The following KNTC1 variants were observed in gnomAD, a reference collection of about 807,000 sequenced individuals.
KNTC1 encodes kinetochore-associated protein 1.
In KNTC1, 253 loss-of-function variants were observed where a neutral mutation model predicts 314.4. That is an observed-to-expected ratio of 0.80 (90% CI 0.73 to 0.89). KNTC1 has a LOEUF of 0.89. Among genes scored for constraint, KNTC1 ranks in the 40% least tolerant of loss-of-function variants. KNTC1 has a pLI of 0.00. For missense variants in KNTC1, 2,475 were observed against 2,572.9 expected (o/e 0.96, Z 0.82); for synonymous variants, 901 against 901.4 (o/e 1.00, Z 0.01).
Position 122,597,923 on chromosome 12 carries a change from T to C in KNTC1, c.4548T>C (p.Ser1516=). 7 of 1,613,804 alleles carry C rather than the reference T, an allele frequency of 4.3e-6. No homozygotes were observed. The highest frequency in any genetic ancestry group is 1.1e-5 in the South Asian group (1 of 91,082). ...TSTKDLVISL[S]GILHKLDPYD... is the part of the protein sequence containing the mutation. Reference sequence around the variant, plus strand: ...CAAAAGATTTGGTCATCAGTCTTAGTGGAATACTACATAAGGTAGACACAC... The same window carrying C: ...CAAAAGATTTGGTCATCAGTCTTAGCGGAATACTACATAAGGTAGACACAC... Residue 1516 remains serine, a synonymous_variant, in exon 44 of 64, where the codon AGT becomes AGC. Transcript: ENST00000333479.
At chr12:122,580,735 A>G in intron 33 of KNTC1, 65 bp downstream of exon 33, 3 of 1,118,218 alleles carry the variant, frequency 2.7e-6, no homozygotes, top group Non-Finnish European at 3.9e-6. Flanking sequence ...CCCTCCTTAA[A>G]GTTTTCTGTA....
intron 3 of KNTC1, among the ~76,000 whole-genome samples, chr12:122,538,009 C>T (rs927803500): frequency 2.0e-5 from 3 of 152,052 alleles, no homozygotes; most frequent in Non-Finnish European, 4.4e-5. Context: ...TGGTGTGTAC[C>T]TGTGGTCCCA....
Position 122,584,951 on chromosome 12 carries a change from C to T in KNTC1, c.3495C>T (p.Ser1165=). ...CKHTLMAVEL[S]RQCQMDDCGI... ...ATACTTTAATGGCTGTAGAGCTTTCCAGACAATGCCAAATGGATGACTGTG... is the reference window on the plus strand; with the variant it reads ...ATACTTTAATGGCTGTAGAGCTTTCTAGACAATGCCAAATGGATGACTGTG... The change falls in exon 36 of 64, where the codon TCC becomes TCT. Residue 1165 remains serine, a synonymous_variant. Transcript: ENST00000333479. The T allele has an allele frequency of 6.2e-7, 1 of 1,606,164 alleles. No individual in the cohort carries two copies. The highest frequency in any genetic ancestry group is 8.5e-7 in the Non-Finnish European group (1 of 1,173,088).
intron 1 of KNTC1, among the ~76,000 whole-genome samples, chr12:122,528,905 C>T (rs1175254065): frequency 6.6e-6 from 1 of 152,076 alleles, no homozygotes; most frequent in Non-Finnish European, 1.5e-5. Context: ...GCAAGTGGCA[C>T]GATCTCGACT....
In KNTC1 at chr12:122,604,785, G is replaced by C. The variant is rs7960847; in HGVS notation, c.5176-92G>C. 1,027 of 1,318,314 alleles carry C rather than the reference G, an allele frequency of 7.8e-4. 6 individuals carry two copies. The highest frequency in any genetic ancestry group is 5.0e-3 in the Admixed American group (244 of 49,250). The allele number at this position is 1,318,314 out of a possible 1,614,324, so 81.7% of individuals were successfully genotyped here. On this transcript the variant is annotated intron_variant, in intron 49 of 63. Transcript: ENST00000333479. ...ATGCTTAGGAACATAACTGAGGAAG[G>C]GGGGAGGGATTGTGATTGATAAAGA...
chr12:122,562,526 T>G, intron 19 of KNTC1, 112 bp from the exon 20 acceptor site: 2 of 667,902 alleles, frequency 3.0e-6, no homozygotes, highest in Non-Finnish European at 5.4e-6. Flanking sequence ...AGTTGTGATG[T>G]GAGATAAATG....
At chr12:122,590,854 G>A (rs988025933) in intron 41 of KNTC1, 119 bp downstream of exon 41, 6 of 975,388 alleles carry the variant, frequency 6.2e-6, no homozygotes, top group Admixed American at 2.7e-5. Context: ...GAGCTAACTC[G>A]TGATTTCTAC....
At chr12:122,565,515 A>ATT (rs60788698) in intron 20 of KNTC1, among the ~76,000 whole-genome samples, 3 of 147,142 alleles carry the variant, frequency 2.0e-5, no homozygotes, top group Admixed American at 6.8e-5. Flanking sequence ...TGTTATTATT[A>ATT]TTTTTTTTTT....
chr12:122,608,510 A>G (rs1032689630), intron 51 of KNTC1, among the ~76,000 whole-genome samples: 6 of 152,196 alleles, frequency 3.9e-5, no homozygotes, highest in East Asian at 1.9e-4. Flanking sequence ...TACCAAGAGC[A>G]TGGACTGTGC....
chr12:122,551,569 T>G (rs374092245), intron 15 of KNTC1, 46 bp downstream of exon 15: 569 of 1,602,000 alleles, frequency 3.6e-4, no homozygotes, highest in Non-Finnish European at 4.7e-4. Context: ...GTGAATAACT[T>G]AAATTCCCTG....
chr12:122,581,088 TTCTC>T (rs367845063), intron 33 of KNTC1, among the ~76,000 whole-genome samples: 14 of 149,538 alleles, frequency 9.4e-5, no homozygotes, highest in African/African-American at 2.0e-4. Context: ...CTGGTTTTCC[TTCTC>T]TCTCTCTCTC....
At chr12:122,616,028 A>T (rs1873727783) in intron 57 of KNTC1, among the ~76,000 whole-genome samples, 1 of 152,278 alleles carries the variant, frequency 6.6e-6, no homozygotes, top group Admixed American at 6.5e-5. Flanking sequence ...GACTTTGAAG[A>T]TCTTTCATGT....
At chr12:122,538,224 A>G (rs1962001567) in intron 3 of KNTC1, 115 bp from the exon 4 acceptor site, 1 of 623,218 alleles carries the variant, frequency 1.6e-6, no homozygotes, top group Non-Finnish European at 2.9e-6. Flanking sequence ...GTTTTGCAGT[A>G]TTTAGAAGTA....
intron 16 of KNTC1, among the ~76,000 whole-genome samples, chr12:122,554,075 AAATATAT>A (rs1193046907): frequency 5.5e-4 from 59 of 107,182 alleles, no homozygotes; most frequent in African/African-American, 2.4e-3. Flanking sequence ...AAAAAAAAAA[AAATATAT>A]ATATATATAT....
intron 27 of KNTC1, among the ~76,000 whole-genome samples, chr12:122,574,619 C>T (rs1964902317): frequency 6.6e-6 from 1 of 152,174 alleles, no homozygotes; most frequent in South Asian, 2.1e-4. Flanking sequence ...CCACTACGCC[C>T]AGCTAATTTT....
At chr12:122,609,092 T>C (rs1408156216) in intron 51 of KNTC1, 1 of 332,950 alleles carries the variant, frequency 3.0e-6, no homozygotes, top group Non-Finnish European at 5.4e-6. Flanking sequence ...AAAAATCCAA[T>C]GCATGTCAGC....
In KNTC1 at chr12:122,603,270, G is replaced by C. The variant is rs773698503; in HGVS notation, c.5101+27G>C. ...TATGAGCTCTTCTTTTAAAATTGTA[G>C]TTAAAAAAAAAAAAAAAGTACTCTT... On this transcript the variant is annotated intron_variant, in intron 48 of 63. Transcript: ENST00000333479. The C allele has an allele frequency of 1.1e-5, 13 of 1,229,440 alleles. No individual in the cohort carries two copies. In the African/African-American group the frequency reaches 2.1e-4, roughly 20 times the overall value. 76.2% of individuals were successfully genotyped at this position (1,229,440 alleles called of 1,614,324 possible).
At chr12:122,541,421 A>G (rs1397586587) in intron 5 of KNTC1, among the ~76,000 whole-genome samples, 1 of 146,406 alleles carries the variant, frequency 6.8e-6, no homozygotes, top group East Asian at 2.0e-4. Flanking sequence ...ATTTCAGCTC[A>G]CTGCAACCTC....
Position 122,615,504 on chromosome 12 carries a change from C to G in KNTC1, c.6008C>G (p.Ser2003Cys). The change falls in exon 57 of 64, where the codon TCC (serine) becomes TGC (cysteine). Residue 2003 changes from serine (S) to cysteine (C), a missense_variant. Coordinates refer to ENST00000333479, the MANE Select transcript of KNTC1 (RefSeq NM_014708.6). ...PYLRKVLKAI[S>C]SIHSLWQVPY... Reference sequence around the variant, plus strand: ...CTAAGGAAAGTTTTAAAAGCCATCTCCAGTATCCATTCTTTATGGCAGGTA... The same window carrying G: ...CTAAGGAAAGTTTTAAAAGCCATCTGCAGTATCCATTCTTTATGGCAGGTA... 6.5e-7 allele frequency: 1 copy of G among 1,527,540 alleles called. No individual in the cohort carries two copies. Among genetic ancestry groups the G allele is most frequent in the Non-Finnish European group, 8.8e-7 (1 of 1,131,796 alleles). The allele number at this position is 1,527,540 out of a possible 1,614,324, so 94.6% of individuals were successfully genotyped here. A position where few individuals can be genotyped will look rare whatever the true frequency, so the allele number is the denominator to read the frequency against.
Sources: gnomAD v4.1 joint callset for allele counts (sites outside exome capture counted in the v4.1 genomes callset) on GRCh38, gnomAD v4.1.1 for gene constraint, MANE v1.5 for transcripts, NCBI Gene and HGNC (gene_info 2026-07-23, HGNC 2026-07-21) for gene names.